Variants in FADS3 observed in about 807,000 individuals in gnomAD.
The protein encoded by FADS3 is cytochrome b5-related protein.
Under a neutral mutation model 60.4 loss-of-function variants are expected in FADS3, and 30 were observed. The observed-to-expected ratio is 0.50, with a 90% CI of 0.37 to 0.67. The LOEUF is 0.67. Ranked by LOEUF, FADS3 falls within the 30% of genes least tolerant of loss-of-function variation. The pLI, the probability that FADS3 is intolerant of heterozygous loss-of-function variation, is 0.00. For missense variants in FADS3, 432 were observed against 598.3 expected (o/e 0.72, Z 2.90); for synonymous variants, 234 against 249.3 (o/e 0.94, Z 0.58).
rs753292171 is a variant in FADS3, at chr11:61,877,152, C to T, written c.886-189G>A. On this transcript the variant is annotated intron_variant, in intron 7 of 11. Transcript: ENST00000278829. This position sits in a 1 kb window ranked among gnomAD's most constrained non-coding sequence, Gnocchi z 4.7. ...GAACAGGGTCCTTGCCCTGCCAGCT[C>T]ACGAGGCTGATTTTAGTGACGAAGG... The T allele has an allele frequency of 7.1e-6, 4 of 563,222 alleles. No individual in the cohort carries two copies. Among genetic ancestry groups the T allele is most frequent in the Non-Finnish European group, 1.3e-5 (4 of 315,648 alleles). The allele number at this position is 563,222 out of a possible 1,614,324, so 34.9% of individuals were successfully genotyped here.
chr11:61,885,655 G>A (rs1363325689), intron 1 of FADS3, among the ~76,000 whole-genome samples: 1 of 152,194 alleles, frequency 6.6e-6, no homozygotes. Context: ...AGACACAGCA[G>A]GGCAGGGAGG....
rs140891212 is a variant in FADS3 at position 61,878,590 on chromosome 11, G to A, written c.669C>T (p.His223=). Residue 223 remains histidine, a synonymous_variant, in exon 5 of 12, where the codon CAC becomes CAT. Coordinates refer to ENST00000278829, the MANE Select transcript of FADS3 (RefSeq NM_021727.5). The part of the protein sequence containing the change: ...HWWNFRHFQH[H]AKPNIFHKDP... ...CTTTGTGGAAGATGTTGGGCTTGGC[G>A]TGGTGCTGGAAGTGGCGGAAGTTCC... The A allele has an allele frequency of 3.6e-5, 58 of 1,614,076 alleles. No homozygotes were observed. In the Admixed American group the frequency reaches 7.3e-4, roughly 20 times the overall value.
At position 61,891,095 on chromosome 11, in the gene FADS3, G is replaced by A. The variant is rs923281180; in HGVS notation, c.213+74C>T. The A allele has an allele frequency of 5.5e-6, 7 of 1,275,034 alleles. No individual in the cohort carries two copies. In the Admixed American group the frequency reaches 1.2e-4, roughly 22 times the overall value. 79.0% of individuals were successfully genotyped at this position (1,275,034 alleles called of 1,614,324 possible). On this transcript the variant is annotated intron_variant, in intron 1 of 11. Transcript: ENST00000278829. ...GGAGGATGCTAAGGCCCCACAGGTGGAGCGGGACATCACGCCCACGACCGA... is the reference window on the plus strand; with the variant it reads ...GGAGGATGCTAAGGCCCCACAGGTGAAGCGGGACATCACGCCCACGACCGA...
At chr11:61,890,586 C>A (rs369849285) in intron 1 of FADS3, among the ~76,000 whole-genome samples, 44 of 152,288 alleles carry the variant, frequency 2.9e-4, no homozygotes, top group East Asian at 2.7e-3. Context: ...GTTGGGGTCC[C>A]CAGGGGCCAG....
In FADS3 at chr11:61,891,213, C is replaced by T; in HGVS notation, c.169G>A (p.Gly57Arg). ...TGGTGGCCGATGAGGCGGCTGCCCC[C>T]TGGGTGCCGCTGTGCCCAGCGGCTG... ...DISRWAQRHP[G>R]GSRLIGHHGA... The change falls in exon 1 of 12, where the codon GGG (glycine) becomes AGG (arginine). Residue 57 changes from glycine to arginine, a missense_variant. By Grantham distance (125) the Gly-to-Arg change is moderately radical. This residue lies in a region of FADS3 where 167 missense variants were observed against 188.8 expected (regional missense o/e 0.88). Transcript: ENST00000278829. 2 of 1,557,256 alleles carry T rather than the reference C, an allele frequency of 1.3e-6. No homozygotes were observed. The highest frequency in any genetic ancestry group is 8.7e-7 in the Non-Finnish European group (1 of 1,151,842).
At position 61,874,182 on chromosome 11, in the gene FADS3, C is replaced by A. The variant is rs376099766; in HGVS notation, c.1287-317G>T. 3.3e-5 allele frequency among the ~76,000 whole-genome samples: 5 copies of A among 152,200 alleles called. 1 individual carries two copies. The East Asian group carries it at 9.6e-4, about 29-fold the overall frequency. ...TTCTCCATTGCTGCCTCCTGCTGGG[C>A]GCTGCAACCCAAGGACAGAGAGGAC... On this transcript the variant is annotated intron_variant, in intron 11 of 11. Transcript: ENST00000278829.
Position 61,878,463 on chromosome 11 carries a change from C to T in FADS3, c.747+49G>A, listed in dbSNP as rs779163607. ...GTGGGGACCCAGTGCATTAGCTCCC[C>T]CTCAGCTGCAGGCCCAGCCAGAGGT... is the stretch of plus-strand genomic sequence containing the variant. On this transcript the variant is annotated intron_variant, in intron 5 of 11. Coordinates refer to ENST00000278829, the MANE Select transcript of FADS3 (RefSeq NM_021727.5). 4 of 1,596,606 alleles carry T rather than the reference C, an allele frequency of 2.5e-6. No homozygotes were observed. In the Admixed American group the frequency reaches 5.1e-5, roughly 20 times the overall value.
At chr11:61,882,136 G>C (rs912346715) in intron 1 of FADS3, 1 of 129,438 alleles carries the variant, frequency 7.7e-6, no homozygotes, top group African/African-American at 2.9e-5. Flanking sequence ...TTTGAGATAG[G>C]GTCTTGCTGT....
At chr11:61,891,612 C>G (rs971966106), upstream of FADS3, 6 of 178,090 alleles carry the variant, frequency 3.4e-5, no homozygotes, top group Admixed American at 6.2e-5. Flanking sequence ...CCTGCCCCCC[C>G]GCCCCCGGCC....
In FADS3 at chr11:61,876,721, G is replaced by A. The variant is rs748186592; in HGVS notation, c.983+145C>T. The A allele has an allele frequency of 7.7e-6, 6 of 781,684 alleles. No homozygotes were observed. Among genetic ancestry groups the A allele is most frequent in the Admixed American group, 2.0e-5 (1 of 48,938 alleles). 48.4% of individuals were successfully genotyped at this position (781,684 alleles called of 1,614,324 possible). ...CCCACCGACCCTGGGCTCCTGCCAC[G>A]CTTGTGTTTATGTGATTCCACCAGC... On this transcript the variant is annotated intron_variant, in intron 8 of 11. Transcript: ENST00000278829. This position sits in a 1 kb window ranked among gnomAD's most constrained non-coding sequence, Gnocchi z 5.7.
chr11:61,879,919 T>C (rs966519520), intron 2 of FADS3, 122 bp downstream of exon 2: 2 of 752,308 alleles, frequency 2.7e-6, no homozygotes, highest in Non-Finnish European at 4.3e-6. Context: ...GGCTCAGCCC[T>C]GGCTCTGCAT....
Position 61,878,613 on chromosome 11 carries a change from T to C in FADS3, c.646A>G (p.Asn216Asp). Residue 216 changes from asparagine to aspartate, a missense_variant, in exon 5 of 12, where the codon AAC (asparagine) becomes GAC (aspartate). Around this residue, in one of 5 missense-constraint regions of FADS3, gnomAD observed 116 missense variants for 208.9 expected, o/e 0.56. Coordinates refer to ENST00000278829, the MANE Select transcript of FADS3 (RefSeq NM_021727.5). ...GCGTGGTGCTGGAAGTGGCGGAAGT[T>C]CCACCAGTGGGCGGAGAAGCCCTGT... ...QLKGFSAHWW[N>D]FRHFQHHAKP... The C allele has an allele frequency of 1.2e-6, 2 of 1,614,104 alleles. No homozygotes were observed. Among genetic ancestry groups the C allele is most frequent in the Non-Finnish European group, 1.7e-6 (2 of 1,179,996 alleles).
chr11:61,890,284 T>G (rs7926824), intron 1 of FADS3: 152,323 of 152,360 alleles, frequency 1, 76,143 homozygotes, highest in Middle Eastern at 1. Context: ...GGTGGCCCTG[T>G]CAAGAGGGAC....
Position 61,876,956 on chromosome 11 carries a change from A to G in FADS3, c.893T>C (p.Leu298Pro). 6.2e-7 allele frequency: 1 copy of G among 1,600,908 alleles called. No homozygotes were observed. Among genetic ancestry groups the G allele is most frequent in the Non-Finnish European group, 8.5e-7 (1 of 1,174,760 alleles). ...GCGGGCATAGAAGCTGGCGGCCCAG[A>G]GCAAATCCTGCAGAGGAGGGCAGAG... ...MLVCMQWADLLWAASFYARFF... is the reference protein window; with the variant it reads ...MLVCMQWADLPWAASFYARFF... Residue 298 changes from leucine (L) to proline (P), a missense_variant, in exon 8 of 12, where the codon CTC (leucine) becomes CCC (proline). Around this residue, in one of 5 missense-constraint regions of FADS3, gnomAD observed 38 missense variants for 34.8 expected, o/e 1.09. Transcript: ENST00000278829. This position sits in a 1 kb window ranked among gnomAD's most constrained non-coding sequence, Gnocchi z 5.7.
rs563527043 is a variant in FADS3, at chr11:61,877,487, G to A, written c.885+24C>T. ...CTCCTGCCACGGCAGCCGTATGCCC[G>A]GGGTCCTGGGCAACCCCACTCACCG... On this transcript the variant is annotated intron_variant, in intron 7 of 11. Transcript: ENST00000278829. This position sits in a 1 kb window ranked among gnomAD's most constrained non-coding sequence, Gnocchi z 4.7. 1.1e-5 allele frequency: 18 copies of A among 1,608,536 alleles called. No individual in the cohort carries two copies. Among genetic ancestry groups the A allele is most frequent in the Admixed American group, 1.7e-5 (1 of 59,982 alleles).
At position 61,877,487 on chromosome 11, in the gene FADS3, G is replaced by C. The variant is rs563527043; in HGVS notation, c.885+24C>G. On this transcript the variant is annotated intron_variant, in intron 7 of 11. Transcript: ENST00000278829. The surrounding 1 kb of genome is among the most constrained non-coding windows in gnomAD (Gnocchi z 4.7). ...CTCCTGCCACGGCAGCCGTATGCCC[G>C]GGGTCCTGGGCAACCCCACTCACCG... 1 of 1,608,654 alleles carries C rather than the reference G, an allele frequency of 6.2e-7. No individual in the cohort carries two copies. The highest frequency in any genetic ancestry group is 1.3e-5 in the African/African-American group (1 of 74,990).
rs6591665 is a variant in FADS3 at position 61,873,739 on chromosome 11, A to G, written c.*75T>C. 1 allele frequency: 1,022,497 copies of G among 1,024,684 alleles called. 510,191 individuals are homozygous for G. The highest frequency in any genetic ancestry group is 1 in the East Asian group (39,229 of 39,230). 63.5% of individuals were successfully genotyped at this position (1,024,684 alleles called of 1,614,324 possible). A position where few individuals can be genotyped will look rare whatever the true frequency, so the allele number is the denominator to read the frequency against. ...CCCCAGGCTGGCCAGTGGAGGGGTGAGGGTATCGATCCCGCCGGGGGCTGG... is the reference window on the plus strand; with the variant it reads ...CCCCAGGCTGGCCAGTGGAGGGGTGGGGGTATCGATCCCGCCGGGGGCTGG... On this transcript the variant is annotated 3_prime_UTR_variant, in exon 12 of 12. Coordinates refer to ENST00000278829, the MANE Select transcript of FADS3 (RefSeq NM_021727.5).
At chr11:61,890,392 A>C (rs1938461686) in intron 1 of FADS3, 1 of 152,340 alleles carries the variant, frequency 6.6e-6, no homozygotes, top group Non-Finnish European at 1.5e-5. Context: ...CCTGATACCC[A>C]GTGTGGCCAA....
chr11:61,878,284 G>A (rs769363037), intron 5 of FADS3, 69 bp from the exon 6 acceptor site: 13 of 1,516,856 alleles, frequency 8.6e-6, no homozygotes, highest in South Asian at 2.3e-5. Context: ...GCAAGGTCAC[G>A]GGGCTGGCTG....
Sources: gnomAD v4.1 joint callset for allele counts (sites outside exome capture counted in the v4.1 genomes callset) on GRCh38, gnomAD v4.1.1 for gene constraint, gnomAD v4.1.1 regional missense constraint, Gnocchi (gnomAD v3.1) non-coding constraint, MANE v1.5 for transcripts, NCBI Gene and HGNC (gene_info 2026-07-23, HGNC 2026-07-21) for gene names.